APBB1IP: variants seen among roughly 807,000 people sequenced by gnomAD.
The protein encoded by APBB1IP is amyloid beta A4 precursor protein-binding family B member 1-interacting protein.
In APBB1IP, 27 loss-of-function variants were observed where a neutral mutation model predicts 64.9. The observed-to-expected ratio is 0.42, with a 90% CI of 0.31 to 0.57. The LOEUF (loss-of-function observed/expected upper bound fraction) is 0.57. Among genes scored for constraint, APBB1IP ranks in the 20% least tolerant of loss-of-function variants. APBB1IP has a pLI of 0.20. For synonymous variants in APBB1IP, 392 were observed against 331.0 expected, an observed-to-expected ratio of 1.18 and a Z score of -2.00; for missense variants, 812 against 845.5, an observed-to-expected ratio of 0.96 and a Z score of 0.49.
intron 2 of APBB1IP, among the ~76,000 whole-genome samples, chr10:26,445,886 G>A (rs561056172): frequency 3.8e-5 from 5 of 131,748 alleles, no homozygotes; most frequent in African/African-American, 1.8e-4. Context: ...AACAGTGATC[G>A]AGATAAGTGA....
chr10:26,563,528 G>C (rs1388326924), intron 14 of APBB1IP, among the ~76,000 whole-genome samples: 1 of 152,110 alleles, frequency 6.6e-6, no homozygotes, highest in Non-Finnish European at 1.5e-5. Context: ...GATCAGTGAA[G>C]ATTCCTTTAA....
At chr10:26,524,067 T>C (rs1836439508) in intron 8 of APBB1IP, among the ~76,000 whole-genome samples, 1 of 152,040 alleles carries the variant, frequency 6.6e-6, no homozygotes, top group African/African-American at 2.4e-5. Context: ...CCGAAGGAGA[T>C]TAGAAGGACC....
chr10:26,530,645 G>A (rs528924613), intron 8 of APBB1IP, among the ~76,000 whole-genome samples: 21 of 151,546 alleles, frequency 1.4e-4, no homozygotes, highest in African/African-American at 4.8e-4. Flanking sequence ...AGCCGAGATC[G>A]CGCTACTGCA....
At chr10:26,566,189 C>T (rs1837040655) in intron 14 of APBB1IP, among the ~76,000 whole-genome samples, 1 of 152,150 alleles carries the variant, frequency 6.6e-6, no homozygotes, top group African/African-American at 2.4e-5. Context: ...GAGGCTGAGG[C>T]AGGAGGATCA....
At chr10:26,459,328 C>G (rs1256410845) in intron 2 of APBB1IP, among the ~76,000 whole-genome samples, 2 of 151,936 alleles carry the variant, frequency 1.3e-5, no homozygotes, top group Non-Finnish European at 2.9e-5. Flanking sequence ...TTTTCTTAAT[C>G]CAGTCTCTCA....
At chr10:26,484,259 G>A (rs1338674073) in intron 2 of APBB1IP, among the ~76,000 whole-genome samples, 1 of 152,072 alleles carries the variant, frequency 6.6e-6, no homozygotes, top group East Asian at 1.9e-4. Flanking sequence ...ATCTTAACAA[G>A]TTTTTTATTT....
In APBB1IP at chr10:26,471,629, C is replaced by T. The variant is rs1429792267; in HGVS notation, c.1-20698C>T. 2.0e-5 allele frequency among the ~76,000 whole-genome samples: 3 copies of T among 151,990 alleles called. No homozygotes were observed. The East Asian group carries it at 5.8e-4, about 29-fold the overall frequency. On this transcript the variant is annotated intron_variant, in intron 2 of 14. Transcript: ENST00000376236. ...GACAGTCACAGAAATGACCGTAAATCCTTCCTTCCAAACAGAGAGAGGTAA... is the reference window on the plus strand; with the variant it reads ...GACAGTCACAGAAATGACCGTAAATTCTTCCTTCCAAACAGAGAGAGGTAA...
At position 26,496,408 on chromosome 10, in the gene APBB1IP, C is replaced by A. The variant is rs1385490600; in HGVS notation, c.160+17C>A. On this transcript the variant is annotated intron_variant, in intron 4 of 14. Coordinates refer to ENST00000376236, the MANE Select transcript of APBB1IP (RefSeq NM_019043.4). ...ATTTAAATGGTAAGCATAACAATTT[C>A]TTTTCTTAAGTAATTCAAAATCATA... The A allele has an allele frequency of 1.9e-6, 3 of 1,574,766 alleles. No homozygotes were observed. Among genetic ancestry groups the A allele is most frequent in the Non-Finnish European group, 2.6e-6 (3 of 1,146,522 alleles).
At chr10:26,492,726 G>A (rs879430439) in intron 3 of APBB1IP, among the ~76,000 whole-genome samples, 2 of 152,116 alleles carry the variant, frequency 1.3e-5, no homozygotes, top group Non-Finnish European at 2.9e-5. Flanking sequence ...TAGGGTGTGG[G>A]TCACAGAGAT....
intron 11 of APBB1IP, among the ~76,000 whole-genome samples, chr10:26,543,409 G>C (rs1588613103): frequency 1.3e-5 from 2 of 151,198 alleles, no homozygotes; most frequent in African/African-American, 4.9e-5. Flanking sequence ...GGAGGTTGCA[G>C]TGAGCCGAGA....
intron 7 of APBB1IP, among the ~76,000 whole-genome samples, chr10:26,512,632 G>A (rs1436809319): frequency 6.6e-6 from 1 of 151,966 alleles, no homozygotes; most frequent in Non-Finnish European, 1.5e-5. Flanking sequence ...GTTGAGACAG[G>A]GTCTTGCTCT....
At chr10:26,454,387 T>G (rs1052891300) in intron 2 of APBB1IP, among the ~76,000 whole-genome samples, 4 of 152,174 alleles carry the variant, frequency 2.6e-5, no homozygotes, top group African/African-American at 9.6e-5. Flanking sequence ...GTTGCAGGAT[T>G]GCAGGACTTT....
intron 4 of APBB1IP, among the ~76,000 whole-genome samples, chr10:26,496,969 C>T (rs948208108): frequency 4.6e-5 from 7 of 152,032 alleles, no homozygotes; most frequent in Admixed American, 3.3e-4. Flanking sequence ...AAGAGGATTG[C>T]TTGAGCTCAG....
chr10:26,521,984 C>A (rs1836407748), intron 8 of APBB1IP, among the ~76,000 whole-genome samples: 1 of 152,176 alleles, frequency 6.6e-6, no homozygotes, highest in Non-Finnish European at 1.5e-5. Context: ...CTCCTGACCT[C>A]ATGTAATCTG....
intron 13 of APBB1IP, 187 bp from the exon 14 acceptor site, chr10:26,562,139 G>A: frequency 2.0e-6 from 1 of 503,690 alleles, no homozygotes; most frequent in South Asian, 2.0e-5. Context: ...TTAAGGTTTT[G>A]TGTACCATGC....
chr10:26,461,957 A>G (rs1835598023), intron 2 of APBB1IP, among the ~76,000 whole-genome samples: 1 of 152,220 alleles, frequency 6.6e-6, no homozygotes, highest in Non-Finnish European at 1.5e-5. Context: ...TATTCACACT[A>G]CAATTCTCTT....
intron 14 of APBB1IP, 147 bp downstream of exon 14, chr10:26,562,576 G>A (rs574477709): frequency 1.0e-4 from 63 of 605,106 alleles, no homozygotes; most frequent in Non-Finnish European, 1.6e-4. Context: ...GAGGCAGGAG[G>A]ATCACTTGAG....
chr10:26,527,153 C>A (rs1447099195), intron 8 of APBB1IP, among the ~76,000 whole-genome samples: 1 of 152,202 alleles, frequency 6.6e-6, no homozygotes, highest in African/African-American at 2.4e-5. Flanking sequence ...CCAGCATGGG[C>A]TAATGTGTTA....
intron 2 of APBB1IP, among the ~76,000 whole-genome samples, chr10:26,463,229 G>A (rs1435747262): frequency 6.6e-6 from 1 of 152,164 alleles, no homozygotes; most frequent in African/African-American, 2.4e-5. Context: ...TTTGGTGCTA[G>A]GAGTTCAAGA....
Sources: gnomAD v4.1 joint callset for allele counts (sites outside exome capture counted in the v4.1 genomes callset) on GRCh38, gnomAD v4.1.1 for gene constraint, MANE v1.5 for transcripts, NCBI Gene and HGNC (gene_info 2026-07-23, HGNC 2026-07-21) for gene names.